MEGF9: variants seen among roughly 807,000 people sequenced by gnomAD.
MEGF9 encodes the protein multiple epidermal growth factor-like domains protein 9.
Under a neutral mutation model 46.8 loss-of-function variants are expected in MEGF9, and 6 were observed. The observed-to-expected ratio is 0.13, with a 90% CI of 0.07 to 0.25. The LOEUF is 0.25. Ranked by LOEUF, MEGF9 falls within the 10% of genes least tolerant of loss-of-function variation. The probability of loss-of-function intolerance (pLI) is 1.00; values close to 1 mark genes in which losing one functional copy is unlikely to be tolerated. For synonymous variants in MEGF9, 302 were observed against 330.7 expected, an observed-to-expected ratio of 0.91 and a Z score of 0.94; for missense variants, 683 against 792.4, an observed-to-expected ratio of 0.86 and a Z score of 1.66.
intron 2 of MEGF9, among the ~76,000 whole-genome samples, chr9:120,623,051 CT>C (rs2043507008): frequency 1.3e-5 from 2 of 152,090 alleles, no homozygotes; most frequent in Admixed American, 6.5e-5. Flanking sequence ...TTATTGAGGG[CT>C]TATGTCAATA....
At chr9:120,646,619 A>C (rs2132315798) in intron 2 of MEGF9, among the ~76,000 whole-genome samples, 1 of 152,198 alleles carries the variant, frequency 6.6e-6, no homozygotes, top group South Asian at 2.1e-4. Context: ...CAGCTTCTTA[A>C]TCCTCTTAAC....
In MEGF9 at chr9:120,704,059, C is replaced by T. The variant is rs187216451; in HGVS notation, c.601+9699G>A. On this transcript the variant is annotated intron_variant, in intron 1 of 5. Coordinates refer to ENST00000373930, the MANE Select transcript of MEGF9 (RefSeq NM_001080497.3). The stretch of plus-strand genomic sequence containing the variant: ...ACGAAGAAATGAAATTGAGGTTGGG[C>T]GCGGTGGCTCACACCTGTAATCCCA... Among the ~76,000 whole-genome samples the T allele has an allele frequency of 2.2e-3, 327 of 149,580 alleles. 1 individual carries two copies. Among genetic ancestry groups the T allele is most frequent in the African/African-American group, 7.5e-3 (306 of 40,594 alleles).
rs771209570 is a variant in MEGF9, at chr9:120,605,286, A to G, written c.1713T>C (p.Asn571=). The part of the protein sequence containing the change: ...SFSSYHDSIP[N]ADVSGLLEDD... ...CTTCCAACAATCCCGAAACATCTGC[A>G]TTGGGAATGCTGTCATGGTAGCTGC... The change falls in exon 6 of 6, where the codon AAT becomes AAC. Residue 571 remains asparagine, a synonymous_variant. Transcript: ENST00000373930. This position sits in a 1 kb window ranked among gnomAD's most constrained non-coding sequence, Gnocchi z 4.0. 1 of 1,614,008 alleles carries G rather than the reference A, an allele frequency of 6.2e-7. No individual in the cohort carries two copies.
At chr9:120,691,883 T>C (rs894621481) in intron 1 of MEGF9, among the ~76,000 whole-genome samples, 13 of 152,280 alleles carry the variant, frequency 8.5e-5, no homozygotes, top group African/African-American at 3.1e-4. Context: ...GGCTCAAAAG[T>C]ACATATGCAT....
intron 2 of MEGF9, among the ~76,000 whole-genome samples, chr9:120,636,236 C>CCTA (rs1228754692): frequency 6.6e-6 from 1 of 152,148 alleles, no homozygotes; most frequent in African/African-American, 2.4e-5. Flanking sequence ...CCGCGTCCAG[C>CCTA]CTACCTCTTC....
intron 2 of MEGF9, among the ~76,000 whole-genome samples, chr9:120,646,871 AACTT>A (rs1221576954): frequency 6.6e-6 from 1 of 152,148 alleles, no homozygotes; most frequent in Non-Finnish European, 1.5e-5. Context: ...CATTTATAGA[AACTT>A]AATTATTTAT....
intron 1 of MEGF9, among the ~76,000 whole-genome samples, chr9:120,661,120 T>G (rs762813087): frequency 1.4e-4 from 22 of 152,218 alleles, no homozygotes; most frequent in Admixed American, 7.2e-4. Flanking sequence ...AAATTCCCAC[T>G]TGGCCAACTC....
In MEGF9 at chr9:120,695,603, C is replaced by CAAAAAAAAAAAAAAAAAAAAAAAAAAA. The variant is rs370281228; in HGVS notation, c.601+18154_601+18155insTTTTTTTTTTTTTTTTTTTTTTTTTTT. Among the ~76,000 whole-genome samples the CAAAAAAAAAAAAAAAAAAAAAAAAAAA allele has an allele frequency of 1.6e-4, 3 of 18,676 alleles. 1 individual carries two copies. Among genetic ancestry groups the CAAAAAAAAAAAAAAAAAAAAAAAAAAA allele is most frequent in the African/African-American group, 2.4e-4 (2 of 8,254 alleles). 12.3% of individuals were successfully genotyped at this position (18,676 alleles called of 152,430 possible). ...TGGGTGACAGTGTGAGACCCCATCT[C>CAAAAAAAAAAAAAAAAAAAAAAAAAAA]AAAAAAAAAAAAAAAAAAAAAAAAA... On this transcript the variant is annotated intron_variant, in intron 1 of 5. Transcript: ENST00000373930.
chr9:120,637,799 A>AAAAAAAAAG (rs2043585119), intron 2 of MEGF9, among the ~76,000 whole-genome samples: 1 of 144,634 alleles, frequency 6.9e-6, no homozygotes, highest in African/African-American at 2.8e-5. Context: ...TCAAAAAAAA[A>AAAAAAAAAG]AAAAAAAAAA....
chr9:120,637,318 C>A (rs1309410222), intron 2 of MEGF9, among the ~76,000 whole-genome samples: 3 of 152,076 alleles, frequency 2.0e-5, no homozygotes, highest in Non-Finnish European at 4.4e-5. Context: ...CTAGGAAAAC[C>A]AGAGACCTTT....
At chr9:120,678,691 C>T (rs2043784500) in intron 1 of MEGF9, among the ~76,000 whole-genome samples, 1 of 152,180 alleles carries the variant, frequency 6.6e-6, no homozygotes, top group Non-Finnish European at 1.5e-5. Context: ...CCATGCTGGT[C>T]TCGAACTCCT....
intron 3 of MEGF9, among the ~76,000 whole-genome samples, chr9:120,613,636 C>T (rs2043458732): frequency 6.6e-6 from 1 of 152,010 alleles, no homozygotes; most frequent in South Asian, 2.1e-4. Context: ...TCCCTTGGCA[C>T]TCTATTAGTA....
intron 4 of MEGF9, among the ~76,000 whole-genome samples, chr9:120,609,880 G>C (rs568976737): frequency 6.6e-6 from 1 of 152,056 alleles, no homozygotes; most frequent in African/African-American, 2.4e-5. Context: ...TAAGAAAAAC[G>C]AATTCCTTTC....
At chr9:120,711,871 A>ACACACACC (rs145059704) in intron 1 of MEGF9, among the ~76,000 whole-genome samples, 3,995 of 149,976 alleles carry the variant, frequency 0.027, 66 homozygotes, top group Middle Eastern at 0.045. Flanking sequence ...ACACACACAC[A>ACACACACC]CCCACAGGCC....
rs567938861 is a variant in MEGF9, at chr9:120,687,431, CAT to C, written c.601+26325_601+26326del. 9.9e-5 allele frequency among the ~76,000 whole-genome samples: 15 copies of C among 152,154 alleles called. No individual in the cohort carries two copies. In the South Asian group the frequency reaches 3.1e-3, roughly 32 times the overall value. On this transcript the variant is annotated intron_variant, in intron 1 of 5. Transcript: ENST00000373930. ...GAAACTCACCTACAAGTGAAGAAAA[CAT>C]GTGCAATGTTGTTCATTGCAGCATT...
At chr9:120,667,949 T>C (rs1048869517) in intron 1 of MEGF9, among the ~76,000 whole-genome samples, 1 of 152,092 alleles carries the variant, frequency 6.6e-6, no homozygotes, top group Non-Finnish European at 1.5e-5. Flanking sequence ...CGCTTAAACC[T>C]GGGAGGCAGA....
chr9:120,634,446 C>CTCTTTTTTTTTTTTTT (rs2043564710), intron 2 of MEGF9, among the ~76,000 whole-genome samples: 1 of 46,908 alleles, frequency 2.1e-5, no homozygotes. Flanking sequence ...TGTGGAATAT[C>CTCTTTTTTTTTTTTTT]TTTTTTTTTT....
intron 1 of MEGF9, among the ~76,000 whole-genome samples, chr9:120,672,499 T>G (rs948009189): frequency 6.6e-6 from 1 of 151,940 alleles, no homozygotes; most frequent in Non-Finnish European, 1.5e-5. Flanking sequence ...CACATGCCTG[T>G]AGTCTCGGCT....
In MEGF9 at chr9:120,696,396, T is replaced by C. The variant is rs148744550; in HGVS notation, c.601+17362A>G. 3.0e-4 allele frequency among the ~76,000 whole-genome samples: 45 copies of C among 152,294 alleles called. No homozygotes were observed. The East Asian group carries it at 8.5e-3, about 29-fold the overall frequency. On this transcript the variant is annotated intron_variant, in intron 1 of 5. Coordinates refer to ENST00000373930, the MANE Select transcript of MEGF9 (RefSeq NM_001080497.3). ...TTTGAATCAAGGTTCTACATTGTAC[T>C]AGCTATGAAACCCTGCTTTGTGTAT...
Sources: allele counts gnomAD v4.1 joint callset (sites outside exome capture counted in the v4.1 genomes callset), GRCh38; gene constraint gnomAD v4.1.1; non-coding constraint Gnocchi (gnomAD v3.1); transcripts MANE v1.5; gene names NCBI Gene and HGNC (gene_info 2026-07-23, HGNC 2026-07-21).